CFB: variants seen among roughly 807,000 people sequenced by gnomAD.
CFB encodes the protein B-factor, properdin.
A neutral mutation model predicts 97.2 loss-of-function variants in CFB; 59 were observed. The ratio of observed to expected loss-of-function variants is 0.61; its 90% CI spans 0.49 to 0.75. The LOEUF is 0.75. Ranked by LOEUF, CFB falls within the 30% of genes least tolerant of loss-of-function variation. The pLI is 0.00. For missense variants in CFB, 771 were observed against 959.8 expected (o/e 0.80, Z 2.60); for synonymous variants, 316 against 351.7 (o/e 0.90, Z 1.14).
chr6:31,950,232 A>G (rs1027742775), intron 11 of CFB, 54 bp from the exon 12 acceptor site: 1 of 1,604,660 alleles, frequency 6.2e-7, no homozygotes, highest in Non-Finnish European at 8.5e-7. Flanking sequence ...AATGGCCATA[A>G]GAGATGGTGG....
chr6:31,948,770 C>T, intron 7 of CFB, 60 bp from the exon 8 acceptor site: 4 of 1,612,576 alleles, frequency 2.5e-6, no homozygotes, highest in Non-Finnish European at 3.4e-6. Flanking sequence ...AGATTGGTCT[C>T]TGGGGTTAAA....
rs1771538647 is a variant in CFB at position 31,947,903 on chromosome 6, A to T, written c.761-42A>T. The T allele has an allele frequency of 1.2e-6, 2 of 1,614,058 alleles. No individual in the cohort carries two copies. Among genetic ancestry groups the T allele is most frequent in the African/African-American group, 2.7e-5 (2 of 74,914 alleles). ...CTGGGGGAAAATGGAGAAGGGACAG[A>T]ACTGTTAATGCTGGAGCCTGAGCCA... On this transcript the variant is annotated intron_variant, in intron 5 of 17. Transcript: ENST00000425368. The surrounding 1 kb of genome is among the most constrained non-coding windows in gnomAD (Gnocchi z 5.3).
chr6:31,946,965 C>T lies in CFB; in HGVS notation c.299-42C>T. ...CCAGGAGGGATACACCTAAGGCAGC[C>T]TTTCCCTCTTGATGACTTCTACTTG... is the stretch of plus-strand genomic sequence containing the variant. On this transcript the variant is annotated intron_variant, in intron 2 of 17. Transcript: ENST00000425368. The surrounding 1 kb of genome is among the most constrained non-coding windows in gnomAD (Gnocchi z 6.4). 1 of 1,605,900 alleles carries T rather than the reference C, an allele frequency of 6.2e-7. No individual in the cohort carries two copies. The highest frequency in any genetic ancestry group is 8.5e-7 in the Non-Finnish European group (1 of 1,173,630).
In CFB at chr6:31,947,940, C is replaced by T; in HGVS notation, c.761-5C>T. ...TGGAGCCTGAGCCACTCTCCTGGCA[C>T]CCAGGGGAACAACAGAAGCGGAAGA... On this transcript the variant is annotated splice_region_variant and splice_polypyrimidine_tract_variant and intron_variant, in intron 5 of 17. Coordinates refer to ENST00000425368, the MANE Select transcript of CFB (RefSeq NM_001710.6). This position sits in a 1 kb window ranked among gnomAD's most constrained non-coding sequence, Gnocchi z 5.3. 1 of 1,614,200 alleles carries T rather than the reference C, an allele frequency of 6.2e-7. No individual in the cohort carries two copies. The highest frequency in any genetic ancestry group is 8.5e-7 in the Non-Finnish European group (1 of 1,180,034).
chr6:31,951,078 G>A lies in CFB; in HGVS notation c.1856-66G>A, dbSNP rs1771730288. On this transcript the variant is annotated intron_variant, in intron 14 of 17. Transcript: ENST00000425368. The surrounding 1 kb of genome is among the most constrained non-coding windows in gnomAD (Gnocchi z 4.3). ...GAAGGGCTTAGGGGACATCTACTGAGTGACAAAGGCAATGGGGAGATGACA... is the reference window on the plus strand; with the variant it reads ...GAAGGGCTTAGGGGACATCTACTGAATGACAAAGGCAATGGGGAGATGACA... 2 of 1,587,920 alleles carry A rather than the reference G, an allele frequency of 1.3e-6. No homozygotes were observed. The highest frequency in any genetic ancestry group is 2.2e-5 in the East Asian group (1 of 44,736).
rs1446329739 is a variant in CFB, at chr6:31,947,407, C to T, written c.544C>T (p.Arg182Cys). ...CACAAGGAAGGTGGGCAGCCAGTAC[C>T]GCCTTGAAGACAGCGTCACCTACCA... ...IGTRKVGSQYRLEDSVTYHCS... is the reference protein window; with the variant it reads ...IGTRKVGSQYCLEDSVTYHCS... Residue 182 changes from arginine to cysteine, a missense_variant, in exon 4 of 18, where the codon CGC becomes TGC. Coordinates refer to ENST00000425368, the MANE Select transcript of CFB (RefSeq NM_001710.6). The surrounding 1 kb of genome is among the most constrained non-coding windows in gnomAD (Gnocchi z 5.3). The T allele has an allele frequency of 1.2e-5, 20 of 1,612,906 alleles. No homozygotes were observed. The highest frequency in any genetic ancestry group is 2.2e-5 in the East Asian group (1 of 44,886).
rs566467974 is a variant in CFB at position 31,951,694 on chromosome 6, G to A, written c.2139+90G>A. On this transcript the variant is annotated intron_variant, in intron 17 of 17. Coordinates refer to ENST00000425368, the MANE Select transcript of CFB (RefSeq NM_001710.6). This position sits in a 1 kb window ranked among gnomAD's most constrained non-coding sequence, Gnocchi z 4.3. Reference sequence around the variant, plus strand: ...GCTCAATGCATGTGGCTAGTAATTCGAGGTAGGCAGAGCCTGCCTCACCTT... The same window carrying A: ...GCTCAATGCATGTGGCTAGTAATTCAAGGTAGGCAGAGCCTGCCTCACCTT... The A allele has an allele frequency of 1.1e-4, 176 of 1,585,428 alleles. 1 individual carries two copies. Among genetic ancestry groups the A allele is most frequent in the Middle Eastern group, 1.7e-4 (1 of 5,984 alleles).
chr6:31,948,487 G>A lies in CFB; in HGVS notation c.1011G>A (p.Lys337=), dbSNP rs1417156290. The A allele has an allele frequency of 6.2e-7, 1 of 1,614,072 alleles. No individual in the cohort carries two copies. Among genetic ancestry groups the A allele is most frequent in the East Asian group, 2.2e-5 (1 of 44,890 alleles). ...GCAGTAATGCAGACTGGGTCACGAA[G>A]CAGCTCAATGAAATCAATTATGAAG... ...ADSSNADWVT[K]QLNEINYEDH... Residue 337 remains lysine, a synonymous_variant, in exon 7 of 18, where the codon AAG becomes AAA. Transcript: ENST00000425368.
At position 31,951,360 on chromosome 6, in the gene CFB, A is replaced by C; in HGVS notation, c.1976A>C (p.Asp659Ala). The change falls in exon 16 of 18, where the codon GAT becomes GCT. Residue 659 changes from aspartate (D) to alanine (A), a missense_variant. Coordinates refer to ENST00000425368, the MANE Select transcript of CFB (RefSeq NM_001710.6). This position sits in a 1 kb window ranked among gnomAD's most constrained non-coding sequence, Gnocchi z 4.3. ...NGDKKGSCER[D>A]AQYAPGYDKV... ...CTACAGAAAGGCAGCTGTGAGAGAGATGCTCAATATGCCCCAGGCTATGAC... is the reference window on the plus strand; with the variant it reads ...CTACAGAAAGGCAGCTGTGAGAGAGCTGCTCAATATGCCCCAGGCTATGAC... The C allele has an allele frequency of 6.2e-7, 1 of 1,614,150 alleles. No homozygotes were observed. Among genetic ancestry groups the C allele is most frequent in the South Asian group, 1.1e-5 (1 of 91,084 alleles).
At chr6:31,950,225 G>C in intron 11 of CFB, 61 bp from the exon 12 acceptor site, 1 of 1,603,704 alleles carries the variant, frequency 6.2e-7, no homozygotes, top group South Asian at 1.1e-5. Flanking sequence ...AGGAAAAAAT[G>C]GCCATAAGAG....
chr6:31,947,058 G>C lies in CFB; in HGVS notation c.350G>C (p.Arg117Pro), dbSNP rs754522074. The change falls in exon 3 of 18, where the codon CGG becomes CCG. Residue 117 changes from arginine (R) to proline (P), a missense_variant. Transcript: ENST00000425368. The surrounding 1 kb of genome is among the most constrained non-coding windows in gnomAD (Gnocchi z 5.3). ...TTCGAGAACGGGGAATACTGGCCCC[G>C]GTCTCCCTACTACAATGTGAGTGAT... Reference protein sequence around the residue: ...HDFENGEYWPRSPYYNVSDEI... With the variant: ...HDFENGEYWPPSPYYNVSDEI... 1 of 1,612,932 alleles carries C rather than the reference G, an allele frequency of 6.2e-7. No homozygotes were observed. Among genetic ancestry groups the C allele is most frequent in the Non-Finnish European group, 8.5e-7 (1 of 1,180,004 alleles).
In CFB at chr6:31,950,737, G is replaced by A. The variant is rs1174484026; in HGVS notation, c.1743G>A (p.Lys581=). The change falls in exon 13 of 18, where the codon AAG becomes AAA. Residue 581 remains lysine (K), a synonymous_variant. Transcript: ENST00000425368. The part of the protein sequence containing the change: ...EFYDYDVALI[K]LKNKLKYGQT... ...ATGACTATGACGTTGCCCTGATCAA[G>A]CTCAAGAATAAGCTGAAATATGGCC... is the stretch of plus-strand genomic sequence containing the variant. 1.2e-6 allele frequency: 2 copies of A among 1,612,978 alleles called. No individual in the cohort carries two copies. Among genetic ancestry groups the A allele is most frequent in the South Asian group, 1.1e-5 (1 of 91,086 alleles).
intron 6 of CFB, 139 bp from the exon 7 acceptor site, chr6:31,948,235 C>G: frequency 4.7e-6 from 7 of 1,504,280 alleles, no homozygotes; most frequent in Non-Finnish European, 6.4e-6. Context: ...GAAGCAGTTT[C>G]TTGACTGGTA....
chr6:31,949,022 T>C, intron 8 of CFB, 61 bp downstream of exon 8: 1 of 1,609,162 alleles, frequency 6.2e-7, no homozygotes, highest in South Asian at 1.1e-5. Context: ...CATGTGGCCC[T>C]TAAGTCCACT....
rs778702824 is a variant in CFB at position 31,947,709 on chromosome 6, C to T, written c.659-33C>T. Reference sequence around the variant, plus strand: ...TTTGGTCACTGTATCCCTGACACTCCCAGACATTTGACCTCATTTCTGACT... The same window carrying T: ...TTTGGTCACTGTATCCCTGACACTCTCAGACATTTGACCTCATTTCTGACT... On this transcript the variant is annotated intron_variant, in intron 4 of 17. Transcript: ENST00000425368. This position sits in a 1 kb window ranked among gnomAD's most constrained non-coding sequence, Gnocchi z 5.3. The T allele has an allele frequency of 1.2e-6, 2 of 1,608,152 alleles. No homozygotes were observed. The highest frequency in any genetic ancestry group is 1.7e-6 in the Non-Finnish European group (2 of 1,175,672).
chr6:31,947,603 CCTCA>C lies in CFB; in HGVS notation c.658+85_658+88del, dbSNP rs1771520887. The C allele has an allele frequency of 1.9e-6, 3 of 1,598,960 alleles. No individual in the cohort carries two copies. Among genetic ancestry groups the C allele is most frequent in the Non-Finnish European group, 2.6e-6 (3 of 1,167,842 alleles). On this transcript the variant is annotated intron_variant, in intron 4 of 17. Transcript: ENST00000425368. This position sits in a 1 kb window ranked among gnomAD's most constrained non-coding sequence, Gnocchi z 5.3. The stretch of plus-strand genomic sequence containing the variant: ...TCTCCCCACCTCAACCCTGCTCTTT[CCTCA>C]CTTTGTTTAAACCTCCCTGTACAAC...
intron 12 of CFB, 27 bp from the exon 13 acceptor site, chr6:31,950,590 AAG>A (rs1466127117): frequency 6.2e-7 from 1 of 1,612,414 alleles, no homozygotes; most frequent in East Asian, 2.2e-5. Flanking sequence ...GCTGCCCACA[AAG>A]AGGTGGTACC....
rs200429452 is a variant in CFB at position 31,949,379 on chromosome 6, C to T, written c.1270+35C>T. 1.0e-4 allele frequency: 162 copies of T among 1,614,210 alleles called. No individual in the cohort carries two copies. The East Asian group carries it at 3.3e-3, about 33-fold the overall frequency. Reference sequence around the variant, plus strand: ...CTGCCTAGGACCCAGCACCCCACTTCCTCAGGGCTTGGACCCTCATCCTTC... The same window carrying T: ...CTGCCTAGGACCCAGCACCCCACTTTCTCAGGGCTTGGACCCTCATCCTTC... On this transcript the variant is annotated intron_variant, in intron 9 of 17. Coordinates refer to ENST00000425368, the MANE Select transcript of CFB (RefSeq NM_001710.6).
Position 31,947,689 on chromosome 6 carries a change from T to A in CFB, c.659-53T>A. 6.3e-7 allele frequency: 1 copy of A among 1,597,874 alleles called. No individual in the cohort carries two copies. Among genetic ancestry groups the A allele is most frequent in the Non-Finnish European group, 8.6e-7 (1 of 1,166,470 alleles). ...AACCCATGATCCCCCGTCTCTTTGG[T>A]CACTGTATCCCTGACACTCCCAGAC... On this transcript the variant is annotated intron_variant, in intron 4 of 17. Transcript: ENST00000425368. This position sits in a 1 kb window ranked among gnomAD's most constrained non-coding sequence, Gnocchi z 5.3.
Sources: gnomAD v4.1 joint callset for allele counts on GRCh38, gnomAD v4.1.1 for gene constraint, Gnocchi (gnomAD v3.1) non-coding constraint, MANE v1.5 for transcripts, NCBI Gene and HGNC (gene_info 2026-07-23, HGNC 2026-07-21) for gene names.